Variants in PLXDC2 observed in about 807,000 individuals in gnomAD.
PLXDC2 encodes plexin domain-containing protein 2.
PLXDC2 carries 40 observed loss-of-function variants against 68.9 expected under a neutral mutation model. The ratio of observed to expected loss-of-function variants is 0.58; its 90% confidence interval spans 0.45 to 0.76. The LOEUF is 0.76. PLXDC2 is among the 30% of genes least tolerant of loss of function. The pLI is 0.00. For synonymous variants in PLXDC2, 243 were observed against 234.2 expected (o/e 1.04, Z -0.34); for missense variants, 644 against 661.9 (o/e 0.97, Z 0.30).
At chr10:20,230,180 C>G (rs1445783362) in intron 12 of PLXDC2, among the ~76,000 whole-genome samples, 2 of 152,074 alleles carry the variant, frequency 1.3e-5, no homozygotes, top group Non-Finnish European at 2.9e-5. Flanking sequence ...AAGCCAGATC[C>G]AACTCTATGC....
chr10:20,158,449 C>T (rs1010333963), intron 6 of PLXDC2, among the ~76,000 whole-genome samples: 30 of 128,208 alleles, frequency 2.3e-4, no homozygotes, highest in Non-Finnish European at 3.7e-4. Flanking sequence ...TGTTATTAGT[C>T]AAAAAGAAGT....
At chr10:20,177,855 G>A (rs1025098478) in intron 9 of PLXDC2, among the ~76,000 whole-genome samples, 1 of 151,920 alleles carries the variant, frequency 6.6e-6, no homozygotes, top group Non-Finnish European at 1.5e-5. Flanking sequence ...TGATCAAAAT[G>A]CAAAACAAAA....
intron 1 of PLXDC2, among the ~76,000 whole-genome samples, chr10:19,951,718 A>G (rs908662093): frequency 2.0e-5 from 3 of 152,206 alleles, no homozygotes; most frequent in African/African-American, 4.8e-5. Context: ...TTGCAGCACT[A>G]TTCATAGCAA....
At chr10:20,016,664 A>C (rs895603445) in intron 2 of PLXDC2, among the ~76,000 whole-genome samples, 2 of 152,226 alleles carry the variant, frequency 1.3e-5, no homozygotes, top group Non-Finnish European at 2.9e-5. Context: ...GACAGTGCTT[A>C]GTACCTTCTG....
At chr10:19,952,128 A>G (rs1015985820) in intron 1 of PLXDC2, among the ~76,000 whole-genome samples, 1 of 152,082 alleles carries the variant, frequency 6.6e-6, no homozygotes, top group Non-Finnish European at 1.5e-5. Context: ...CTGCACATGT[A>G]CTCCCTGAAT....
intron 1 of PLXDC2, among the ~76,000 whole-genome samples, chr10:19,867,481 A>G (rs577325046): frequency 3.3e-5 from 5 of 152,284 alleles, no homozygotes; most frequent in Non-Finnish European, 7.4e-5. Context: ...TTCAGTTTCT[A>G]TAAGGAGCCA....
intron 1 of PLXDC2, among the ~76,000 whole-genome samples, chr10:19,899,517 T>TA (rs1448550385): frequency 6.6e-6 from 1 of 152,176 alleles, no homozygotes; most frequent in Admixed American, 6.5e-5. Flanking sequence ...TATATGAGAA[T>TA]AAATACTCAT....
At chr10:19,848,257 G>A (rs866279417) in intron 1 of PLXDC2, among the ~76,000 whole-genome samples, 12 of 152,314 alleles carry the variant, frequency 7.9e-5, no homozygotes, top group Middle Eastern at 3.4e-3. Context: ...TTCTGGAAGC[G>A]TTCTCTGCTT....
intron 4 of PLXDC2, among the ~76,000 whole-genome samples, chr10:20,069,483 C>A (rs1836278941): frequency 6.6e-6 from 1 of 152,038 alleles, no homozygotes; most frequent in East Asian, 1.9e-4. Flanking sequence ...ACTGTGAGAC[C>A]CTATATCTAC....
intron 1 of PLXDC2, among the ~76,000 whole-genome samples, chr10:19,838,584 T>G (rs1050125631): frequency 5.9e-5 from 9 of 152,234 alleles, no homozygotes; most frequent in African/African-American, 2.2e-4. Flanking sequence ...TTATTCAGTC[T>G]TATAGAACAA....
intron 6 of PLXDC2, among the ~76,000 whole-genome samples, chr10:20,163,771 A>G (rs1358458850): frequency 1.3e-5 from 2 of 152,120 alleles, no homozygotes; most frequent in African/African-American, 4.8e-5. Context: ...CATTTTTCAT[A>G]TATTCTCAAT....
rs571384326 is a variant in PLXDC2 at position 20,033,874 on chromosome 10, A to G, written c.325-12995A>G. Among the ~76,000 whole-genome samples, 15 of 152,236 alleles carry G rather than the reference A, an allele frequency of 9.9e-5. No individual in the cohort carries two copies. The South Asian group carries it at 2.9e-3, about 29-fold the overall frequency. Reference sequence around the variant, plus strand: ...TTTAAAGCTATGTTTTCTCTTTATTACTGTTCTTTTTCTCTTCACATGTTC... The same window carrying G: ...TTTAAAGCTATGTTTTCTCTTTATTGCTGTTCTTTTTCTCTTCACATGTTC... On this transcript the variant is annotated intron_variant, in intron 2 of 13. Coordinates refer to ENST00000377252, the MANE Select transcript of PLXDC2 (RefSeq NM_032812.9).
Position 20,147,824 on chromosome 10 carries a change from G to A in PLXDC2, c.705G>A (p.Gln235=). The A allele has an allele frequency of 1.2e-6, 2 of 1,613,446 alleles. No individual in the cohort carries two copies. The highest frequency in any genetic ancestry group is 1.7e-6 in the Non-Finnish European group (2 of 1,179,478). Residue 235 remains glutamine, a synonymous_variant, in exon 6 of 14, where the codon CAG becomes CAA. Transcript: ENST00000377252. ...LVVQWDHVHL[Q]DNYNLGSFTF... The stretch of plus-strand genomic sequence containing the variant: ...TCCAGTGGGACCATGTACATCTCCA[G>A]GATAATTATAACCTGGGAAGCTTCA...
chr10:19,956,975 T>C (rs181397035), intron 1 of PLXDC2, among the ~76,000 whole-genome samples: 8 of 152,292 alleles, frequency 5.3e-5, no homozygotes, highest in African/African-American at 1.9e-4. Context: ...AAAAGGGCAG[T>C]TTTAGGTATC....
chr10:20,229,517 C>CAAAAAA (rs58386547), intron 12 of PLXDC2, among the ~76,000 whole-genome samples: 8 of 105,626 alleles, frequency 7.6e-5, no homozygotes, highest in African/African-American at 1.1e-4. Flanking sequence ...CCACTTTAAG[C>CAAAAAA]AAAAAAAAAA....
chr10:19,962,814 G>A (rs571570046), intron 1 of PLXDC2, among the ~76,000 whole-genome samples: 1,578 of 149,000 alleles, frequency 0.011, 32 homozygotes, highest in African/African-American at 0.036. Context: ...GTGAAACCCC[G>A]TCTCCACTAA....
intron 1 of PLXDC2, among the ~76,000 whole-genome samples, chr10:19,881,503 T>G (rs560581876): frequency 6.6e-6 from 1 of 152,228 alleles, no homozygotes; most frequent in South Asian, 2.1e-4. Context: ...GCAAGACTAG[T>G]TACAAAGACT....
At chr10:19,847,065 C>T (rs544222172) in intron 1 of PLXDC2, among the ~76,000 whole-genome samples, 19 of 152,190 alleles carry the variant, frequency 1.2e-4, no homozygotes, top group Admixed American at 5.9e-4. Flanking sequence ...TACCTCCCCC[C>T]GGGTCCCTCC....
intron 12 of PLXDC2, among the ~76,000 whole-genome samples, chr10:20,239,463 G>A (rs967678608): frequency 6.6e-6 from 1 of 152,116 alleles, no homozygotes; most frequent in Non-Finnish European, 1.5e-5. Flanking sequence ...AGAAGGCGAA[G>A]GAAAAGCAAG....
Sources: gnomAD v4.1 joint callset for allele counts (sites outside exome capture counted in the v4.1 genomes callset) on GRCh38, gnomAD v4.1.1 for gene constraint, MANE v1.5 for transcripts, NCBI Gene and HGNC (gene_info 2026-07-23, HGNC 2026-07-21) for gene names.